HHLA1: variants seen among roughly 807,000 people sequenced by gnomAD.
HHLA1 encodes HERV-H LTR-associating protein 1.
HHLA1 carries 72 observed loss-of-function variants against 69.9 expected under a neutral mutation model. That is an observed-to-expected ratio of 1.03 (90% CI 0.85 to 1.25). The LOEUF is 1.25. Ranked by LOEUF, HHLA1 falls within the 50% of genes most tolerant of loss-of-function variation. The pLI is 0.00. For missense variants in HHLA1, 685 were observed against 642.2 expected, an observed-to-expected ratio of 1.07 and a Z score of -0.72; for synonymous variants, 252 against 233.2, an observed-to-expected ratio of 1.08 and a Z score of -0.73.
chr8:132,110,073 A>G (rs1824270721), intron 1 of HHLA1, among the ~76,000 whole-genome samples: 1 of 152,148 alleles, frequency 6.6e-6, no homozygotes, highest in Non-Finnish European at 1.5e-5. Flanking sequence ...AAGGGTCCCA[A>G]ATCAACCAAG....
chr8:132,105,287 C>G lies in HHLA1; in HGVS notation c.-21-1G>C, dbSNP rs1374163597. On this transcript the variant is annotated splice_acceptor_variant, in intron 1 of 16. Transcript: ENST00000414222. LOFTEE classifies it low-confidence loss of function (5UTR_SPLICE). ...GCATGCTTGTGATACTCTGGCCCAC[C>G]TGGAATGAAGCAAGCAAACACTTAG... 2 of 1,547,420 alleles carry G rather than the reference C, an allele frequency of 1.3e-6. No individual in the cohort carries two copies. The highest frequency in any genetic ancestry group is 1.7e-6 in the Non-Finnish European group (2 of 1,143,002).
At chr8:132,078,058 A>G (rs1350446696) in intron 11 of HHLA1, 87 bp from the exon 12 acceptor site, 3 of 1,405,448 alleles carry the variant, frequency 2.1e-6, no homozygotes, top group Non-Finnish European at 2.0e-6. Flanking sequence ...TTGAAACGTT[A>G]TCAAAGGGCA....
At position 132,075,521 on chromosome 8, in the gene HHLA1, T is replaced by C. The variant is rs143885728; in HGVS notation, c.1315+534A>G. ...AGGAAATGGTCTTCGTCTAGATCCA[T>C]GAGAATTAACTGTGCAGGGATGGAA... On this transcript the variant is annotated intron_variant, in intron 14 of 16. Transcript: ENST00000414222. Among the ~76,000 whole-genome samples, 162 of 152,284 alleles carry C rather than the reference T, an allele frequency of 1.1e-3. 3 individuals are homozygous for C. In the East Asian group the frequency reaches 0.029, roughly 27 times the overall value.
Position 132,100,122 on chromosome 8 carries a change from C to A in HHLA1, c.152G>T (p.Arg51Ile). 6.4e-7 allele frequency: 1 copy of A among 1,551,028 alleles called. No individual in the cohort carries two copies. Among genetic ancestry groups the A allele is most frequent in the Non-Finnish European group, 8.7e-7 (1 of 1,146,442 alleles). ...TFLPTTVSGL[R>I]EEERKEKGVA... ...CCCCTTCTCCTTCCTCTCTTCTTCT[C>A]TAAGGCCAGACACTGGGAAGGAGAC... Residue 51 changes from arginine to isoleucine, a missense_variant, in exon 4 of 17, where the codon AGA (arginine) becomes ATA (isoleucine). By Grantham distance (97) the Arg-to-Ile change is moderately conservative. Coordinates refer to ENST00000414222, the MANE Select transcript of HHLA1 (RefSeq NM_001145095.3).
At position 132,069,360 on chromosome 8, in the gene HHLA1, TTTTGTTTG is replaced by T. The variant is rs537251659; in HGVS notation, c.1469+1972_1469+1979del. On this transcript the variant is annotated intron_variant, in intron 15 of 16. Transcript: ENST00000414222. ...TTGCCAACTTTCCCACCAGTGTTTT[TTTTGTTTG>T]TTTGTTTGTTTGTTTTTTATCACAG... is the stretch of plus-strand genomic sequence containing the variant. Among the ~76,000 whole-genome samples the T allele has an allele frequency of 9.2e-5, 14 of 152,292 alleles. No homozygotes were observed. The East Asian group carries it at 2.5e-3, about 27-fold the overall frequency.
At chr8:132,084,064 C>G (rs1358671932) in intron 10 of HHLA1, among the ~76,000 whole-genome samples, 1 of 151,966 alleles carries the variant, frequency 6.6e-6, no homozygotes, top group Non-Finnish European at 1.5e-5. Context: ...GAAAAAGAGC[C>G]TAAATGCTAT....
At chr8:132,077,584 G>T in intron 12 of HHLA1, 142 bp downstream of exon 12, 1 of 821,296 alleles carries the variant, frequency 1.2e-6, no homozygotes, top group Non-Finnish European at 1.9e-6. Context: ...GAAAGGAGAA[G>T]GAAGAGTTTG....
chr8:132,071,569 A>G lies in HHLA1; in HGVS notation c.1316-76T>C, dbSNP rs540615125. The G allele has an allele frequency of 3.0e-5, 41 of 1,370,146 alleles. No individual in the cohort carries two copies. The African/African-American group carries it at 5.5e-4, about 18-fold the overall frequency. The allele number at this position is 1,370,146 out of a possible 1,614,324, so 84.9% of individuals were successfully genotyped here. ...TCTTCTCTTCGTTAAGCCCTGCATC[A>G]GGTGAATATAGTCTTGTCCTGATCT... On this transcript the variant is annotated intron_variant, in intron 14 of 16. Transcript: ENST00000414222.
At chr8:132,068,343 C>G (rs1380841321) in intron 15 of HHLA1, among the ~76,000 whole-genome samples, 1 of 152,182 alleles carries the variant, frequency 6.6e-6, no homozygotes, top group Non-Finnish European at 1.5e-5. Flanking sequence ...ACTATTTAAA[C>G]ACGACATGTC....
chr8:132,101,234 G>A (rs1285806080), intron 3 of HHLA1: 31 of 1,550,442 alleles, frequency 2.0e-5, no homozygotes, highest in Non-Finnish European at 2.5e-5. Flanking sequence ...GCCCGGGAAT[G>A]TCCCATCTTT....
At chr8:132,082,540 T>C (rs2130885788) in intron 10 of HHLA1, among the ~76,000 whole-genome samples, 1 of 152,034 alleles carries the variant, frequency 6.6e-6, no homozygotes, top group Non-Finnish European at 1.5e-5. Context: ...TATGCCGAGA[T>C]AGGTAACAGA....
At chr8:132,084,114 A>G (rs1266039361) in intron 10 of HHLA1, among the ~76,000 whole-genome samples, 1 of 152,152 alleles carries the variant, frequency 6.6e-6, no homozygotes, top group South Asian at 2.1e-4. Flanking sequence ...AACCTTGACT[A>G]TGCCTTTGGC....
intron 1 of HHLA1, 50 bp downstream of exon 1, chr8:132,111,052 G>A (rs1280999881): frequency 1.3e-5 from 2 of 152,212 alleles, no homozygotes; most frequent in African/African-American, 2.4e-5. Context: ...ATGCTTTGAA[G>A]AGGAGGAGGA....
chr8:132,073,417 C>A (rs1316442911), intron 14 of HHLA1, among the ~76,000 whole-genome samples: 2 of 152,176 alleles, frequency 1.3e-5, no homozygotes, highest in Non-Finnish European at 2.9e-5. Flanking sequence ...CATCAATGTG[C>A]CCATGAGTTT....
chr8:132,064,777 A>G (rs1325635475), intron 16 of HHLA1, among the ~76,000 whole-genome samples: 2 of 152,330 alleles, frequency 1.3e-5, no homozygotes, highest in Admixed American at 6.5e-5. Context: ...AAGTTTTAAG[A>G]TGATGGTTTG....
chr8:132,074,176 T>A (rs1823596710), intron 14 of HHLA1, among the ~76,000 whole-genome samples: 1 of 152,226 alleles, frequency 6.6e-6, no homozygotes, highest in Admixed American at 6.5e-5. Context: ...AAGCTATGCC[T>A]TTGCTTAGAA....
chr8:132,068,771 A>C (rs1248787671), intron 15 of HHLA1, among the ~76,000 whole-genome samples: 1 of 152,216 alleles, frequency 6.6e-6, no homozygotes, highest in Non-Finnish European at 1.5e-5. Context: ...GGCCTGAGGT[A>C]GCAAAATTTG....
intron 10 of HHLA1, among the ~76,000 whole-genome samples, chr8:132,082,601 T>C (rs985124064): frequency 7.9e-5 from 12 of 152,056 alleles, no homozygotes; most frequent in Non-Finnish European, 1.6e-4. Flanking sequence ...TCTGTGAAGC[T>C]TTGCAGCAGT....
At position 132,061,961 on chromosome 8, in the gene HHLA1, T is replaced by A. The variant is rs1360196253; in HGVS notation, c.*2034A>T. ...CAGTCATTATTCCCAAAGTATGGGGTAACTGGGTTCACATGGGTTTCCCCA... is the reference window on the plus strand; with the variant it reads ...CAGTCATTATTCCCAAAGTATGGGGAAACTGGGTTCACATGGGTTTCCCCA... On this transcript the variant is annotated 3_prime_UTR_variant, in exon 17 of 17. Transcript: ENST00000414222. 1 of 152,200 alleles carries A rather than the reference T, an allele frequency of 6.6e-6. No homozygotes were observed. Among genetic ancestry groups the A allele is most frequent in the Non-Finnish European group, 1.5e-5 (1 of 68,046 alleles). The allele number at this position is 152,200 out of a possible 1,614,324, so 9.4% of individuals were successfully genotyped here.
Sources: allele counts gnomAD v4.1 joint callset (sites outside exome capture counted in the v4.1 genomes callset), GRCh38; gene constraint gnomAD v4.1.1; transcripts MANE v1.5; gene names NCBI Gene and HGNC (gene_info 2026-07-23, HGNC 2026-07-21).